The following POFUT3 variants were observed in gnomAD, a reference collection of about 807,000 sequenced individuals.
The protein encoded by POFUT3 is protein O-fucosyltransferase 3, also known as GDP-fucose protein O-fucosyltransferase 3.
At chr8:33,311,716 A>G in the POFUT3 span, among the ~76,000 whole-genome samples, 1 of 152,148 alleles carries the variant, frequency 6.6e-6, no homozygotes, top group East Asian at 1.9e-4. Context: ...TACATAAGCA[A>G]TTCCCAAAAG....
chr8:33,389,793 C>A, the POFUT3 span: 1 of 1,606,906 alleles, frequency 6.2e-7, no homozygotes, highest in South Asian at 1.1e-5. Context: ...ATGTTAAAGT[C>A]AGTACCTAGG....
the POFUT3 span, among the ~76,000 whole-genome samples, chr8:33,330,779 T>C: frequency 6.6e-6 from 1 of 152,074 alleles, no homozygotes; most frequent in African/African-American, 2.4e-5. Context: ...CCTCCCTTCC[T>C]TAAAAACCCA....
At chr8:33,351,383 G>A in the POFUT3 span, among the ~76,000 whole-genome samples, 1 of 152,204 alleles carries the variant, frequency 6.6e-6, no homozygotes, top group Non-Finnish European at 1.5e-5. Context: ...AAAGGGGTTT[G>A]GTCATAGGAG....
chr8:33,344,025 CTT>C, the POFUT3 span, among the ~76,000 whole-genome samples: 1 of 152,298 alleles, frequency 6.6e-6, no homozygotes, highest in African/African-American at 2.4e-5. Context: ...TTCCCAGAGT[CTT>C]TTCAGCCTTC....
chr8:33,337,945 G>A, the POFUT3 span, among the ~76,000 whole-genome samples: 4 of 152,126 alleles, frequency 2.6e-5, no homozygotes, highest in Non-Finnish European at 4.4e-5. Context: ...GTTCTCACTC[G>A]GTCTTTCCTT....
the POFUT3 span, among the ~76,000 whole-genome samples, chr8:33,318,320 G>C: frequency 1.3e-5 from 2 of 150,560 alleles, no homozygotes; most frequent in Admixed American, 6.8e-5. Flanking sequence ...TAAAAGCTCA[G>C]GCTAGAAATA....
chr8:33,413,775 A>G, the POFUT3 span, among the ~76,000 whole-genome samples: 1 of 152,198 alleles, frequency 6.6e-6, no homozygotes, highest in East Asian at 1.9e-4. Flanking sequence ...AATATATATA[A>G]TGAATAACTG....
At chr8:33,330,101 T>C in the POFUT3 span, among the ~76,000 whole-genome samples, 3 of 152,142 alleles carry the variant, frequency 2.0e-5, no homozygotes, top group Non-Finnish European at 4.4e-5. Flanking sequence ...TTTAAACGTT[T>C]GCTTCATTCC....
the POFUT3 span, among the ~76,000 whole-genome samples, chr8:33,409,155 T>G: frequency 6.6e-6 from 1 of 152,196 alleles, no homozygotes; most frequent in East Asian, 1.9e-4. Flanking sequence ...CAGGCTGGTG[T>G]GTAGTGTCAC....
At chr8:33,310,688 C>T in the POFUT3 span, among the ~76,000 whole-genome samples, 1 of 120,542 alleles carries the variant, frequency 8.3e-6, no homozygotes, top group African/African-American at 3.5e-5. Flanking sequence ...AAGACTCCAT[C>T]TCAAAAAAAA....
the POFUT3 span, among the ~76,000 whole-genome samples, chr8:33,317,320 C>G: frequency 1.3e-5 from 2 of 152,128 alleles, no homozygotes; most frequent in Non-Finnish European, 2.9e-5. Context: ...GGACTGAACT[C>G]TGACAGTTAT....
the POFUT3 span, among the ~76,000 whole-genome samples, chr8:33,355,990 AG>A: frequency 2.0e-5 from 3 of 152,284 alleles, no homozygotes; most frequent in East Asian, 5.8e-4. Context: ...GTCCCTATAA[AG>A]GACATGAACT....
the POFUT3 span, among the ~76,000 whole-genome samples, chr8:33,420,643 T>C: frequency 1.3e-5 from 2 of 152,162 alleles, no homozygotes; most frequent in African/African-American, 4.8e-5. Context: ...CTGGGGAAAT[T>C]CATTAAAAAC....
At chr8:33,389,815 A>C in the POFUT3 span, 1 of 1,542,354 alleles carries the variant, frequency 6.5e-7, no homozygotes, top group Non-Finnish European at 8.9e-7. Flanking sequence ...GAAGAAAATG[A>C]GATATTAATT....
the POFUT3 span, among the ~76,000 whole-genome samples, chr8:33,313,745 T>A: frequency 6.6e-6 from 1 of 152,198 alleles, no homozygotes; most frequent in East Asian, 1.9e-4. Context: ...ATCCTGAATA[T>A]AAACTCCTCA....
chr8:33,408,169 T>C, the POFUT3 span, among the ~76,000 whole-genome samples: 3 of 151,462 alleles, frequency 2.0e-5, no homozygotes, highest in South Asian at 6.3e-4. Flanking sequence ...ACAAAAAAAA[T>C]GTAAAAATTA....
At chr8:33,457,510 C>T in the POFUT3 span, among the ~76,000 whole-genome samples, 2 of 151,880 alleles carry the variant, frequency 1.3e-5, no homozygotes, top group African/African-American at 4.8e-5. Context: ...AAAACCCCAA[C>T]TCATTATGAA....
chr8:33,432,853 C>A, the POFUT3 span, among the ~76,000 whole-genome samples: 1 of 151,988 alleles, frequency 6.6e-6, no homozygotes, highest in African/African-American at 2.4e-5. Flanking sequence ...ATAAAATAAC[C>A]AAGGTCTAAG....
At chr8:33,376,406 A>C in the POFUT3 span, among the ~76,000 whole-genome samples, 1 of 152,218 alleles carries the variant, frequency 6.6e-6, no homozygotes, top group African/African-American at 2.4e-5. Flanking sequence ...ATATATGAGG[A>C]GATACTAGGA....
Sources: gnomAD v4.1 joint callset for allele counts (sites outside exome capture counted in the v4.1 genomes callset) on GRCh38, gnomAD v4.1.1 for gene constraint, MANE v1.5 for transcripts, NCBI Gene and HGNC (gene_info 2026-07-23, HGNC 2026-07-21) for gene names.